Variants in GAA observed in about 807,000 individuals in gnomAD.
GAA encodes alpha glucosidase, also known as lysosomal alpha-glucosidase.
In GAA, 88 loss-of-function variants were observed where a neutral mutation model predicts 103.9. The observed-to-expected ratio is 0.85, with a 90% CI of 0.71 to 1.01. GAA has a LOEUF of 1.01. Ranked by LOEUF, GAA falls within the 50% of genes least tolerant of loss-of-function variation. The pLI is 0.00. For missense variants in GAA, 1,350 were observed against 1,305.3 expected, an observed-to-expected ratio of 1.03 and a Z score of -0.53; for synonymous variants, 572 against 563.1, an observed-to-expected ratio of 1.02 and a Z score of -0.22.
At chr17:80,102,928 G>A (rs1213019389) in intron 1 of GAA, among the ~76,000 whole-genome samples, 1 of 152,206 alleles carries the variant, frequency 6.6e-6, no homozygotes, top group African/African-American at 2.4e-5. Context: ...GAATTGAATT[G>A]TAGGACACCC....
At position 80,105,882 on chromosome 17, in the gene GAA, AC is replaced by A; in HGVS notation, c.681del (p.Asp227GlufsTer6). ...PFGVIVRRQL[D>X]GRVLLNTTVA... Reference sequence around the variant, plus strand: ...GGGGTGATCGTGCGCCGGCAGCTGGACGGCCGCGTGCTGTGAGTTCTGGGCT... The same window carrying A: ...GGGGTGATCGTGCGCCGGCAGCTGGAGGCCGCGTGCTGTGAGTTCTGGGCT... On this transcript the variant is annotated frameshift_variant, in exon 3 of 20. Transcript: ENST00000302262. LOFTEE classifies it high-confidence loss of function. The A allele has an allele frequency of 6.3e-7, 1 of 1,597,424 alleles. No homozygotes were observed.
intron 15 of GAA, 101 bp from the exon 16 acceptor site, chr17:80,116,867 G>A: frequency 7.4e-7 from 1 of 1,359,162 alleles, no homozygotes; most frequent in South Asian, 1.2e-5. Context: ...GAGCTCCAGA[G>A]AGCAGAATTC....
chr17:80,118,862 A>C (rs2039420417), intron 19 of GAA, 57 bp downstream of exon 19: 2 of 1,596,350 alleles, frequency 1.3e-6, no homozygotes, highest in Non-Finnish European at 1.7e-6. Context: ...TGCAGGGGGC[A>C]GAAGGTGCTG....
Position 80,113,199 on chromosome 17 carries a change from GC to G in GAA, c.2041-14del. ...GCCCCAGCACCCAAGTGCTTCCTTT[GC>G]CCCCGCCTGCCCTGCAGCCCCAGGA... On this transcript the variant is annotated intron_variant, in intron 14 of 19. Coordinates refer to ENST00000302262, the MANE Select transcript of GAA (RefSeq NM_000152.5). The G allele has an allele frequency of 6.3e-7, 1 of 1,581,484 alleles. No individual in the cohort carries two copies.
intron 11 of GAA, chr17:80,111,691 A>G (rs2039240217): frequency 2.1e-6 from 1 of 484,152 alleles, no homozygotes; most frequent in Non-Finnish European, 3.8e-6. Context: ...GTAAACAGGC[A>G]GGGGAGTGCT....
chr17:80,115,905 A>C (rs1282928093), intron 15 of GAA, among the ~76,000 whole-genome samples: 1 of 152,190 alleles, frequency 6.6e-6, no homozygotes, highest in Non-Finnish European at 1.5e-5. Context: ...CGAGGTGGGG[A>C]GCACCGTCAA....
chr17:80,102,237 G>A (rs1373591541), intron 1 of GAA: 2 of 152,298 alleles, frequency 1.3e-5, no homozygotes, highest in Non-Finnish European at 2.9e-5. Flanking sequence ...GGCCTGAGAG[G>A]GGGCCCCTGG....
intron 12 of GAA, 200 bp downstream of exon 12, chr17:80,112,300 C>A: frequency 1.5e-6 from 1 of 657,950 alleles, no homozygotes; most frequent in Non-Finnish European, 2.6e-6. Flanking sequence ...ATGCCTGGGG[C>A]TTGGAGAGGA....
At chr17:80,106,291 A>T (rs1349751363) in intron 3 of GAA, among the ~76,000 whole-genome samples, 1 of 124,172 alleles carries the variant, frequency 8.1e-6, no homozygotes, top group Non-Finnish European at 1.8e-5. Flanking sequence ...GCTCCCGGGG[A>T]CAGACACACA....
At position 80,104,830 on chromosome 17, in the gene GAA, T is replaced by G; in HGVS notation, c.244T>G (p.Cys82Gly). 1 of 1,612,474 alleles carries G rather than the reference T, an allele frequency of 6.2e-7. No individual in the cohort carries two copies. Among genetic ancestry groups the G allele is most frequent in the Non-Finnish European group, 8.5e-7 (1 of 1,179,842 alleles). The change falls in exon 2 of 20, where the codon TGC (cysteine) becomes GGC (glycine). Residue 82 changes from cysteine (C) to glycine (G), a missense_variant. Cys to Gly is a radical substitution (Grantham distance 159, BLOSUM62 -3). Transcript: ENST00000302262. The surrounding 1 kb of genome is among the most constrained non-coding windows in gnomAD (Gnocchi z 4.0). ...PGRPRAVPTQ[C>G]DVPPNSRFDC... Reference sequence around the variant, plus strand: ...CCGTCCCAGAGCAGTGCCCACACAGTGCGACGTCCCCCCCAACAGCCGCTT... The same window carrying G: ...CCGTCCCAGAGCAGTGCCCACACAGGGCGACGTCCCCCCCAACAGCCGCTT...
chr17:80,103,551 A>G (rs1442734928), intron 1 of GAA, among the ~76,000 whole-genome samples: 1 of 152,210 alleles, frequency 6.6e-6, no homozygotes, highest in Non-Finnish European at 1.5e-5. Flanking sequence ...AATGTTTGCC[A>G]TAAAATATTA....
rs777342777 is a variant in GAA at position 80,117,684 on chromosome 17, A to G, written c.2416A>G (p.Thr806Ala). ...CATCCACAGCGAGGGGCAGTGGGTGACGCTGCCGGCCCCCCTGGACACCAT... is the reference window on the plus strand; with the variant it reads ...CATCCACAGCGAGGGGCAGTGGGTGGCGCTGCCGGCCCCCCTGGACACCAT... Reference protein sequence around the residue: ...PAIHSEGQWVTLPAPLDTINV... With the variant: ...PAIHSEGQWVALPAPLDTINV... The change falls in exon 17 of 20, where the codon ACG becomes GCG. Residue 806 changes from threonine (T) to alanine (A), a missense_variant. Coordinates refer to ENST00000302262, the MANE Select transcript of GAA (RefSeq NM_000152.5). 5.0e-6 allele frequency: 8 copies of G among 1,612,510 alleles called. No individual in the cohort carries two copies. The highest frequency in any genetic ancestry group is 6.8e-6 in the Non-Finnish European group (8 of 1,179,886).
At position 80,104,704 on chromosome 17, in the gene GAA, C is replaced by T. The variant is rs767409395; in HGVS notation, c.118C>T (p.Arg40Ter). 23 of 1,613,038 alleles carry T rather than the reference C, an allele frequency of 1.4e-5. No homozygotes were observed. The highest frequency in any genetic ancestry group is 4.4e-5 in the South Asian group (4 of 90,992). ...ACTCCATGATTTCCTGCTGGTTCCC[C>T]GAGAGCTGAGTGGCTCCTCCCCAGT... ...ILLHDFLLVP[R>*]ELSGSSPVLE... Residue 40 changes from arginine (R) to a stop codon, truncating the protein, a stop_gained, in exon 2 of 20, where the codon CGA (arginine) becomes TGA (stop). Coordinates refer to ENST00000302262, the MANE Select transcript of GAA (RefSeq NM_000152.5). LOFTEE classifies it high-confidence loss of function. The surrounding 1 kb of genome is among the most constrained non-coding windows in gnomAD (Gnocchi z 4.0).
intron 12 of GAA, 160 bp downstream of exon 12, chr17:80,112,260 G>T (rs1005367922): frequency 9.5e-6 from 7 of 739,400 alleles, no homozygotes; most frequent in African/African-American, 5.2e-5. Flanking sequence ...CTGCACCCCA[G>T]CCTGAAGCTG....
At chr17:80,102,390 C>T (rs918476015) in intron 1 of GAA, 1 of 152,292 alleles carries the variant, frequency 6.6e-6, no homozygotes, top group African/African-American at 2.4e-5. Flanking sequence ...GCCTTTTGCT[C>T]ATGAGGTGAC....
intron 15 of GAA, among the ~76,000 whole-genome samples, chr17:80,116,376 G>C (rs995271474): frequency 6.6e-6 from 1 of 152,136 alleles, no homozygotes. Flanking sequence ...AGGCATGAAC[G>C]CTCCATGAAT....
intron 2 of GAA, among the ~76,000 whole-genome samples, 156 bp downstream of exon 2, chr17:80,105,288 G>A (rs750977448): frequency 2.6e-5 from 4 of 152,190 alleles, no homozygotes; most frequent in African/African-American, 7.2e-5. Flanking sequence ...AGCGCCCCTC[G>A]GGGAGCAGTG....
At chr17:80,109,842 A>G (rs2039187254) in intron 8 of GAA, 103 bp from the exon 9 acceptor site, 6 of 822,986 alleles carry the variant, frequency 7.3e-6, no homozygotes, top group South Asian at 6.0e-5. Flanking sequence ...GTACACACGC[A>G]TGATGTCATC....
At chr17:80,118,155 G>C (rs1314689236) in intron 17 of GAA, 38 bp from the exon 18 acceptor site, 1 of 1,610,578 alleles carries the variant, frequency 6.2e-7, no homozygotes. Context: ...CCTCCACCAG[G>C]GTGGGGATGA....
Sources: allele counts gnomAD v4.1 joint callset (sites outside exome capture counted in the v4.1 genomes callset), GRCh38; gene constraint gnomAD v4.1.1; non-coding constraint Gnocchi (gnomAD v3.1); transcripts MANE v1.5; gene names NCBI Gene and HGNC (gene_info 2026-07-23, HGNC 2026-07-21).